Variants in ASB2 observed in about 807,000 individuals in gnomAD.
The protein encoded by ASB2 is ankyrin repeat and SOCS box protein 2.
ASB2 carries 58 observed loss-of-function variants against 62.4 expected under a neutral mutation model. That is an observed-to-expected ratio of 0.93 (90% CI 0.75 to 1.16). ASB2 has a LOEUF of 1.16. ASB2 is among the 50% of genes most tolerant of loss of function. ASB2 has a pLI of 0.00. For missense variants in ASB2, 928 were observed against 887.9 expected, an observed-to-expected ratio of 1.05 and a Z score of -0.57; for synonymous variants, 386 against 385.3, an observed-to-expected ratio of 1.00 and a Z score of -0.02.
chr14:93,969,488 C>G (rs1446687076), intron 1 of ASB2, among the ~76,000 whole-genome samples: 2 of 152,210 alleles, frequency 1.3e-5, no homozygotes, highest in Non-Finnish European at 2.9e-5. Context: ...CCTTGCCCCT[C>G]TTTGGACCTC....
chr14:93,965,048 G>A (rs73342005), intron 1 of ASB2, among the ~76,000 whole-genome samples: 1,700 of 151,696 alleles, frequency 0.011, 30 homozygotes, highest in African/African-American at 0.039. Context: ...CTTTCTATCC[G>A]TCCAACCATC....
chr14:93,937,563 T>C (rs955902456), intron 9 of ASB2, 135 bp downstream of exon 9: 1 of 885,192 alleles, frequency 1.1e-6, no homozygotes, highest in Non-Finnish European at 1.7e-6. Flanking sequence ...ATTCCTCATG[T>C]TTCATCCAAG....
intron 1 of ASB2, among the ~76,000 whole-genome samples, chr14:93,966,557 G>A (rs184236032): frequency 6.6e-6 from 1 of 152,326 alleles, no homozygotes; most frequent in East Asian, 1.9e-4. Flanking sequence ...TTGATACAAT[G>A]AGTTTGGCAT....
rs569907874 is a variant in ASB2 at position 93,962,014 on chromosome 14, T to TGGCTTTTG, written c.206+2312_206+2319dup. Among the ~76,000 whole-genome samples, 424 of 151,368 alleles carry TGGCTTTTG rather than the reference T, an allele frequency of 2.8e-3. 2 individuals are homozygous for TGGCTTTTG. Among genetic ancestry groups the TGGCTTTTG allele is most frequent in the African/African-American group, 9.9e-3 (408 of 41,218 alleles). On this transcript the variant is annotated intron_variant, in intron 2 of 9. Transcript: ENST00000555019. ...GGGCACAGAAGCAATCCACTTTGGG[T>TGGCTTTTG]GGCTTTTGTAAACATTAAGTGAATT...
chr14:93,951,059 G>A lies in ASB2; in HGVS notation c.820C>T (p.Pro274Ser), dbSNP rs1567024643. The change falls in exon 6 of 10, where the codon CCC (proline) becomes TCC (serine). Residue 274 changes from proline to serine, a missense_variant. By Grantham distance (74) the Pro-to-Ser change is moderately conservative (BLOSUM62 -1). Coordinates refer to ENST00000555019, the MANE Select transcript of ASB2 (RefSeq NM_001202429.2). ...CCACTCTGGGCGGCCACGAACAAGG[G>A]GGTGATGCCGTAGGCGTTCTTGGAT... ...VESKNAYGITPLFVAAQSGQL... is the reference protein window; with the variant it reads ...VESKNAYGITSLFVAAQSGQL... The A allele has an allele frequency of 1.2e-6, 2 of 1,614,170 alleles. No individual in the cohort carries two copies. Among genetic ancestry groups the A allele is most frequent in the Admixed American group, 3.3e-5 (2 of 60,034 alleles).
In ASB2 at chr14:93,939,528, C is replaced by T. The variant is rs1338481201; in HGVS notation, c.1197G>A (p.Leu399=). 1.9e-6 allele frequency: 3 copies of T among 1,604,184 alleles called. No individual in the cohort carries two copies. The highest frequency in any genetic ancestry group is 2.6e-6 in the Non-Finnish European group (3 of 1,175,978). The change falls in exon 8 of 10, where the codon CTG becomes CTA. Residue 399 remains leucine, a synonymous_variant. Coordinates refer to ENST00000555019, the MANE Select transcript of ASB2 (RefSeq NM_001202429.2). The part of the protein sequence containing the change: ...LSARFDVNTP[L]APERARLYED... ...CGTAGAGGCGCGCGCGCTCGGGGGC[C>T]AGCGGCGTGTTCACGTCGAAGCGCG...
At chr14:93,962,694 CA>C (rs1247754767) in intron 2 of ASB2, among the ~76,000 whole-genome samples, 2 of 152,176 alleles carry the variant, frequency 1.3e-5, no homozygotes, top group African/African-American at 4.8e-5. Context: ...CTAATGTGTC[CA>C]AGCATCCCTG....
At chr14:93,942,167 C>A (rs1428215192) in intron 7 of ASB2, 1 of 455,686 alleles carries the variant, frequency 2.2e-6, no homozygotes, top group Non-Finnish European at 4.4e-6. Flanking sequence ...GTGACCCCAC[C>A]AAACAGTCTG....
intron 6 of ASB2, among the ~76,000 whole-genome samples, 158 bp from the exon 7 acceptor site, chr14:93,947,678 C>G (rs1038205328): frequency 2.0e-5 from 3 of 152,136 alleles, no homozygotes; most frequent in Non-Finnish European, 2.9e-5. Context: ...TGGGGCTACC[C>G]CCAGCTTCTT....
Position 93,964,366 on chromosome 14 carries a change from G to A in ASB2, c.174C>T (p.Asn58=), listed in dbSNP as rs775032623. 1 of 1,536,176 alleles carries A rather than the reference G, an allele frequency of 6.5e-7. No individual in the cohort carries two copies. Among genetic ancestry groups the A allele is most frequent in the South Asian group, 1.2e-5 (1 of 84,064 alleles). Residue 58 remains asparagine, a synonymous_variant, in exon 2 of 10, where the codon AAC becomes AAT. Transcript: ENST00000555019. ...TAEATASACT[N]RQPAHFYPWT... The stretch of plus-strand genomic sequence containing the variant: ...ATGGGTAGAAATGGGCAGGTTGGCG[G>A]TTGGTACATGCAGACGCGGTGGCCT...
chr14:93,937,925 G>A lies in ASB2; in HGVS notation c.1618-74C>T, dbSNP rs557404495. The A allele has an allele frequency of 1.0e-5, 15 of 1,458,554 alleles. No individual in the cohort carries two copies. The East Asian group carries it at 1.2e-4, about 12-fold the overall frequency. 90.4% of individuals were successfully genotyped at this position (1,458,554 alleles called of 1,614,324 possible). On this transcript the variant is annotated intron_variant, in intron 8 of 9. Transcript: ENST00000555019. The stretch of plus-strand genomic sequence containing the variant: ...AGAGCCTGCGGCCAGGGACGGCAGC[G>A]GATGTGTCCAAGCACAGACACTGTG...
chr14:93,964,461 C>T lies in ASB2; in HGVS notation c.79G>A (p.Glu27Lys), dbSNP rs1485649804. 7.2e-6 allele frequency: 11 copies of T among 1,536,118 alleles called. No homozygotes were observed. The highest frequency in any genetic ancestry group is 4.9e-5 in the East Asian group (2 of 40,910). ...ATGGCCATCTGCACCAGTTCATCCT[C>T]GCTCAGGCTGCTGTACAGGCTGTAC... ...EEYSLYSSLS[E>K]DELVQMAIEQ... The change falls in exon 2 of 10, where the codon GAG (glutamate) becomes AAG (lysine). Residue 27 changes from glutamate (E) to lysine (K), a missense_variant. By Grantham distance (56) the Glu-to-Lys change is moderately conservative. Coordinates refer to ENST00000555019, the MANE Select transcript of ASB2 (RefSeq NM_001202429.2).
At position 93,951,269 on chromosome 14, in the gene ASB2, G is replaced by A. The variant is rs1477274478; in HGVS notation, c.635-25C>T. 9 of 1,572,470 alleles carry A rather than the reference G, an allele frequency of 5.7e-6. No individual in the cohort carries two copies. The African/African-American group carries it at 8.1e-5, about 14-fold the overall frequency. Reference sequence around the variant, plus strand: ...GCTGTGCTCAGGGGGAAGCAGGGATGGTCAGCAGGGCCTGGCAGGAACTGG... The same window carrying A: ...GCTGTGCTCAGGGGGAAGCAGGGATAGTCAGCAGGGCCTGGCAGGAACTGG... On this transcript the variant is annotated intron_variant, in intron 5 of 9. Transcript: ENST00000555019.
rs531969284 is a variant in ASB2, at chr14:93,954,225, G to A, written c.478+92C>T. On this transcript the variant is annotated intron_variant, in intron 4 of 9. Coordinates refer to ENST00000555019, the MANE Select transcript of ASB2 (RefSeq NM_001202429.2). The stretch of plus-strand genomic sequence containing the variant: ...GCCTTGCCTGCCCTTCTCCCAAGAT[G>A]ATTGTGGGCAAAGAACATGAAGCCC... The A allele has an allele frequency of 1.5e-4, 151 of 1,013,062 alleles. No homozygotes were observed. The East Asian group carries it at 2.6e-3, about 17-fold the overall frequency. The allele number at this position is 1,013,062 out of a possible 1,614,324, so 62.8% of individuals were successfully genotyped here. A position where few individuals can be genotyped will look rare whatever the true frequency, so the allele number is the denominator to read the frequency against.
chr14:93,950,871 G>T, intron 6 of ASB2, 128 bp downstream of exon 6: 1 of 1,094,874 alleles, frequency 9.1e-7, no homozygotes, highest in Non-Finnish European at 1.3e-6. Flanking sequence ...CACTCTAGGA[G>T]GAAACTCTCA....
chr14:93,961,099 A>G (rs1340890848), intron 2 of ASB2, among the ~76,000 whole-genome samples: 4 of 152,202 alleles, frequency 2.6e-5, no homozygotes, highest in Non-Finnish European at 5.9e-5. Flanking sequence ...AGAGGCCATC[A>G]TGAGATTGGT....
Position 93,948,044 on chromosome 14 carries a change from A to G in ASB2, c.881-524T>C, listed in dbSNP as rs182743224. Among the ~76,000 whole-genome samples the G allele has an allele frequency of 3.9e-3, 569 of 147,660 alleles. 4 individuals are homozygous for G. The highest frequency in any genetic ancestry group is 0.013 in the African/African-American group (547 of 40,742). On this transcript the variant is annotated intron_variant, in intron 6 of 9. Coordinates refer to ENST00000555019, the MANE Select transcript of ASB2 (RefSeq NM_001202429.2). Reference sequence around the variant, plus strand: ...GACCCAGGGGCCTGCCAGCCCGAACAGAGGCCTCTGAGAGGCTACAAGCAG... The same window carrying G: ...GACCCAGGGGCCTGCCAGCCCGAACGGAGGCCTCTGAGAGGCTACAAGCAG...
At chr14:93,942,204 G>C in intron 7 of ASB2, 1 of 456,080 alleles carries the variant, frequency 2.2e-6, no homozygotes, top group Non-Finnish European at 4.4e-6. Flanking sequence ...CCACAGGCAC[G>C]TTTTGGATTC....
intron 7 of ASB2, chr14:93,941,761 C>T (rs1595303645): frequency 2.2e-6 from 1 of 447,566 alleles, no homozygotes; most frequent in Non-Finnish European, 4.5e-6. Context: ...CAGCTGGTCT[C>T]CGGCAGTTCT....
Sources: gnomAD v4.1 joint callset for allele counts (sites outside exome capture counted in the v4.1 genomes callset) on GRCh38, gnomAD v4.1.1 for gene constraint, MANE v1.5 for transcripts, NCBI Gene and HGNC (gene_info 2026-07-23, HGNC 2026-07-21) for gene names.